Variants in INPP4B observed in about 807,000 individuals in gnomAD.
INPP4B encodes inositol polyphosphate-4-phosphatase type II B.
INPP4B carries 55 observed loss-of-function variants against 122.5 expected under a neutral mutation model. That is an observed-to-expected ratio of 0.45 (90% CI 0.36 to 0.56). The LOEUF (loss-of-function observed/expected upper bound fraction) is 0.56. INPP4B is among the 20% of genes least tolerant of loss of function. The pLI, the probability that INPP4B is intolerant of heterozygous loss-of-function variation, is 0.00. For missense variants in INPP4B, 1,000 were observed against 1,097.7 expected (o/e 0.91, Z 1.26); for synonymous variants, 403 against 388.7 (o/e 1.04, Z -0.43).
intron 2 of INPP4B, among the ~76,000 whole-genome samples, chr4:142,627,313 G>A (rs1415038852): frequency 6.6e-6 from 1 of 150,430 alleles, no homozygotes; most frequent in East Asian, 1.9e-4. Flanking sequence ...GTGAGAGAGG[G>A]CATCCCTGTC....
chr4:142,294,556 AATCTAAGGTGCACC>A (rs1341875049), intron 9 of INPP4B, among the ~76,000 whole-genome samples: 14 of 152,190 alleles, frequency 9.2e-5, no homozygotes, highest in Non-Finnish European at 1.8e-4. Flanking sequence ...CACGGGGAGC[AATCTAAGGTGCACC>A]ATCTGCACAT....
chr4:142,398,767 T>C (rs1450608313), intron 7 of INPP4B, among the ~76,000 whole-genome samples: 1 of 152,096 alleles, frequency 6.6e-6, no homozygotes, highest in Non-Finnish European at 1.5e-5. Flanking sequence ...ACATCCAATC[T>C]TGATAACTTT....
intron 7 of INPP4B, among the ~76,000 whole-genome samples, chr4:142,395,949 A>C (rs1799228305): frequency 6.6e-6 from 1 of 152,142 alleles, no homozygotes; most frequent in African/African-American, 2.4e-5. Context: ...CCAATTATGC[A>C]AGAAGAATAA....
At chr4:142,251,406 T>A (rs556377364) in intron 11 of INPP4B, among the ~76,000 whole-genome samples, 1 of 152,270 alleles carries the variant, frequency 6.6e-6, no homozygotes, top group Non-Finnish European at 1.5e-5. Context: ...TTAAAGTAAA[T>A]AACTAAAGGT....
chr4:142,623,570 A>G (rs1745480504), intron 2 of INPP4B, among the ~76,000 whole-genome samples: 1 of 151,666 alleles, frequency 6.6e-6, no homozygotes, highest in Non-Finnish European at 1.5e-5. Context: ...CCTTTTTTAA[A>G]TTTTATTATT....
At chr4:142,280,936 T>G (rs1187254728) in intron 9 of INPP4B, among the ~76,000 whole-genome samples, 1 of 151,922 alleles carries the variant, frequency 6.6e-6, no homozygotes, top group Non-Finnish European at 1.5e-5. Flanking sequence ...AAATTTCACC[T>G]GAATAGTAGG....
At chr4:142,780,553 C>T (rs545565032) in intron 1 of INPP4B, among the ~76,000 whole-genome samples, 1 of 152,186 alleles carries the variant, frequency 6.6e-6, no homozygotes, top group Admixed American at 6.5e-5. Context: ...AATCCCAGCA[C>T]TTTGGGAGGC....
intron 1 of INPP4B, among the ~76,000 whole-genome samples, chr4:142,760,320 A>T (rs1771143389): frequency 1.3e-5 from 2 of 152,194 alleles, no homozygotes; most frequent in South Asian, 4.1e-4. Flanking sequence ...GGAGGACAAA[A>T]CATCTTTTAA....
chr4:142,051,522 T>C (rs1343851081), intron 25 of INPP4B, among the ~76,000 whole-genome samples: 1 of 152,066 alleles, frequency 6.6e-6, no homozygotes, highest in Admixed American at 6.6e-5. Flanking sequence ...TTTTGAAATG[T>C]ACATCTATTT....
At chr4:142,817,260 T>G (rs1221528288) in intron 1 of INPP4B, among the ~76,000 whole-genome samples, 1 of 152,156 alleles carries the variant, frequency 6.6e-6, no homozygotes, top group Non-Finnish European at 1.5e-5. Flanking sequence ...CTGACTACAG[T>G]ATAAGAGTTT....
chr4:142,730,375 A>G (rs892434983), intron 1 of INPP4B, among the ~76,000 whole-genome samples: 1 of 152,208 alleles, frequency 6.6e-6, no homozygotes, highest in African/African-American at 2.4e-5. Context: ...TTCTGGATAT[A>G]CTATTTTAAA....
At chr4:142,073,025 T>G (rs1233630398) in intron 25 of INPP4B, among the ~76,000 whole-genome samples, 1 of 152,120 alleles carries the variant, frequency 6.6e-6, no homozygotes, top group Non-Finnish European at 1.5e-5. Context: ...GCCTGCTCTT[T>G]GCTGAGCTGG....
chr4:142,479,857 C>G (rs946569692), intron 2 of INPP4B, among the ~76,000 whole-genome samples: 1 of 152,066 alleles, frequency 6.6e-6, no homozygotes, highest in African/African-American at 2.4e-5. Flanking sequence ...CTATCAGGTA[C>G]TATGCTTATT....
Position 142,108,086 on chromosome 4 carries a change from T to C in INPP4B, c.2374+7A>G. The stretch of plus-strand genomic sequence containing the variant: ...TTATTGCTGTCTTCTCTAACTCACA[T>C]ACTTACAATCAGGAGGCATCTTTTC... On this transcript the variant is annotated splice_region_variant and intron_variant, in intron 23 of 25. Transcript: ENST00000262992. The C allele has an allele frequency of 8.6e-6, 12 of 1,392,548 alleles. No homozygotes were observed. Among genetic ancestry groups the C allele is most frequent in the South Asian group, 4.7e-5 (4 of 84,844 alleles). The allele number at this position is 1,392,548 out of a possible 1,614,324, so 86.3% of individuals were successfully genotyped here. A position where few individuals can be genotyped will look rare whatever the true frequency, so the allele number is the denominator to read the frequency against.
At chr4:142,790,737 A>G (rs535621663) in intron 1 of INPP4B, among the ~76,000 whole-genome samples, 11 of 152,178 alleles carry the variant, frequency 7.2e-5, no homozygotes, top group Non-Finnish European at 1.6e-4. Flanking sequence ...ATATATTAAT[A>G]TCTATTTCTA....
At chr4:142,136,089 G>T (rs1412246801) in intron 18 of INPP4B, among the ~76,000 whole-genome samples, 1 of 152,188 alleles carries the variant, frequency 6.6e-6, no homozygotes, top group Admixed American at 6.5e-5. Flanking sequence ...GAGCCACCGT[G>T]CCCGGAGGGT....
chr4:142,227,638 A>T (rs1482411108), intron 12 of INPP4B, among the ~76,000 whole-genome samples: 1 of 151,956 alleles, frequency 6.6e-6, no homozygotes, highest in Non-Finnish European at 1.5e-5. Flanking sequence ...AGGCAGGTGG[A>T]TCACTTGAGG....
intron 8 of INPP4B, among the ~76,000 whole-genome samples, chr4:142,311,198 G>A (rs1486221901): frequency 1.3e-5 from 2 of 152,176 alleles, no homozygotes; most frequent in East Asian, 3.8e-4. Flanking sequence ...CTGATAGGAT[G>A]TATATTAACA....
chr4:142,292,587 C>T (rs546080486), intron 9 of INPP4B, among the ~76,000 whole-genome samples: 18 of 152,184 alleles, frequency 1.2e-4, no homozygotes, highest in African/African-American at 4.3e-4. Flanking sequence ...AAATCCTTTC[C>T]CTGAGAGAGA....
Sources: allele counts gnomAD v4.1 joint callset (sites outside exome capture counted in the v4.1 genomes callset), GRCh38; gene constraint gnomAD v4.1.1; transcripts MANE v1.5; gene names NCBI Gene and HGNC (gene_info 2026-07-23, HGNC 2026-07-21).